The following PSMG2 variants were observed in gnomAD, a reference collection of about 807,000 sequenced individuals.
PSMG2 encodes CD40 ligand-activated specific transcript 3.
PSMG2 carries 21 observed loss-of-function variants against 31.5 expected under a neutral mutation model. That is an observed-to-expected ratio of 0.67 (90% CI 0.47 to 0.96). PSMG2 has a LOEUF of 0.96. PSMG2 is among the 40% of genes least tolerant of loss of function. PSMG2 has a pLI of 0.00. For missense variants in PSMG2, 318 were observed against 321.2 expected (o/e 0.99, Z 0.08); for synonymous variants, 120 against 110.4 (o/e 1.09, Z -0.54).
intron 1 of PSMG2, among the ~76,000 whole-genome samples, chr18:12,679,447 G>C (rs2039269321): frequency 6.6e-6 from 1 of 152,154 alleles, no homozygotes; most frequent in South Asian, 2.1e-4. Flanking sequence ...CACACTAGCA[G>C]GCACTCTGGC....
intron 1 of PSMG2, among the ~76,000 whole-genome samples, chr18:12,694,939 T>G (rs567428973): frequency 1.3e-5 from 2 of 151,780 alleles, no homozygotes; most frequent in African/African-American, 4.8e-5. Context: ...ATGGTCACGA[T>G]CTCCTGACCT....
Position 12,725,728 on chromosome 18 carries a change from A to AT in PSMG2, c.*200dup. 2 of 421,286 alleles carry AT rather than the reference A, an allele frequency of 4.7e-6. No homozygotes were observed. The highest frequency in any genetic ancestry group is 4.2e-6 in the Non-Finnish European group (1 of 240,670). The allele number at this position is 421,286 out of a possible 1,614,324, so 26.1% of individuals were successfully genotyped here. A position where few individuals can be genotyped will look rare whatever the true frequency, so the allele number is the denominator to read the frequency against. ...TGTAAATTTTGTACAATAAAATTTT[A>AT]TTTCCTAAGTAATTTTGTCTTAAAT... is the stretch of plus-strand genomic sequence containing the variant. On this transcript the variant is annotated 3_prime_UTR_variant, in exon 7 of 7. Transcript: ENST00000317615.
intron 1 of PSMG2, chr18:12,684,840 G>A (rs987569596): frequency 3.3e-5 from 5 of 151,748 alleles, no homozygotes; most frequent in African/African-American, 1.2e-4. Flanking sequence ...ACACAGATTA[G>A]GAAATATCCC....
intron 5 of PSMG2, 56 bp downstream of exon 5, chr18:12,720,739 G>A: frequency 6.5e-7 from 1 of 1,540,006 alleles, no homozygotes; most frequent in Admixed American, 1.9e-5. Flanking sequence ...TGAAATTAAT[G>A]CAGTGAGCTG....
chr18:12,682,505 C>T (rs1488496253), intron 1 of PSMG2, among the ~76,000 whole-genome samples: 1 of 151,768 alleles, frequency 6.6e-6, no homozygotes, highest in African/African-American at 2.4e-5. Flanking sequence ...TTTCTTTCTC[C>T]AAAAAATTGG....
chr18:12,711,943 C>T (rs764745954), intron 2 of PSMG2, among the ~76,000 whole-genome samples: 1 of 151,850 alleles, frequency 6.6e-6, no homozygotes, highest in Non-Finnish European at 1.5e-5. Flanking sequence ...TTAGTAGAGA[C>T]GGGGTTTCAT....
intron 1 of PSMG2, among the ~76,000 whole-genome samples, chr18:12,703,660 G>A (rs979500939): frequency 4.6e-5 from 7 of 152,158 alleles, no homozygotes; most frequent in Admixed American, 2.0e-4. Flanking sequence ...AAGACTAGGT[G>A]CGTGCCCTCA....
At position 12,720,388 on chromosome 18, in the gene PSMG2, A is replaced by C. The variant is rs959966977; in HGVS notation, c.408-122A>C. 1.5e-5 allele frequency: 11 copies of C among 736,832 alleles called. No homozygotes were observed. The African/African-American group carries it at 1.8e-4, about 12-fold the overall frequency. 45.6% of individuals were successfully genotyped at this position (736,832 alleles called of 1,614,324 possible). On this transcript the variant is annotated intron_variant, in intron 4 of 6. Coordinates refer to ENST00000317615, the MANE Select transcript of PSMG2 (RefSeq NM_020232.5). ...CAAATCAGAGCAATATTTTTTACTT[A>C]AGTCTGCTGAAACTTGTGTTTTGCC...
chr18:12,667,848 C>CTTT (rs36019439), intron 1 of PSMG2, among the ~76,000 whole-genome samples: 2 of 116,738 alleles, frequency 1.7e-5, no homozygotes, highest in South Asian at 2.7e-4. Context: ...CTTTCTGATC[C>CTTT]TTTTTTTTTT....
At chr18:12,699,647 C>T (rs572781540), upstream of PSMG2, among the ~76,000 whole-genome samples, 3 of 152,130 alleles carry the variant, frequency 2.0e-5, no homozygotes, top group Admixed American at 1.3e-4. Context: ...TTGCTTCTAC[C>T]GTGCTATACA....
chr18:12,688,749 A>G (rs1426658566), intron 1 of PSMG2, among the ~76,000 whole-genome samples: 1 of 152,222 alleles, frequency 6.6e-6, no homozygotes, highest in Non-Finnish European at 1.5e-5. Flanking sequence ...TAATAGCCAC[A>G]TTTTGAATGC....
intron 3 of PSMG2, 59 bp from the exon 4 acceptor site, chr18:12,718,458 T>TATAGTACATAGAATAG: frequency 1.0e-6 from 1 of 953,052 alleles, no homozygotes; most frequent in Non-Finnish European, 1.6e-6. Flanking sequence ...TATAGAATGT[T>TATAGTACATAGAATAG]TGTATGCTCT....
At chr18:12,684,290 GTTT>G (rs1297378831) in intron 1 of PSMG2, 3 of 151,558 alleles carry the variant, frequency 2.0e-5, no homozygotes, top group Non-Finnish European at 4.4e-5. Flanking sequence ...AATTTTTATA[GTTT>G]TTTAGAGAGA....
chr18:12,699,843 C>T (rs1200158354), upstream of PSMG2: 2 of 1,563,004 alleles, frequency 1.3e-6, no homozygotes, highest in African/African-American at 1.4e-5. Flanking sequence ...TTTTTAATGT[C>T]GATTGTCTAT....
upstream of PSMG2, chr18:12,700,062 T>TA (rs2040100081): frequency 2.3e-6 from 1 of 440,806 alleles, no homozygotes; most frequent in Admixed American, 4.3e-5. Flanking sequence ...ATAATGAAAA[T>TA]AAAAGCCTGC....
chr18:12,680,720 C>T, intron 1 of PSMG2: 1 of 1,613,772 alleles, frequency 6.2e-7, no homozygotes. Context: ...CAAGTCATAA[C>T]CCATGCATGA....
intron 1 of PSMG2, among the ~76,000 whole-genome samples, chr18:12,668,583 G>A (rs540455649): frequency 5.5e-5 from 4 of 73,118 alleles, no homozygotes; most frequent in African/African-American, 2.2e-4. Context: ...GGGAGACAGA[G>A]TAAGATTCCA....
At chr18:12,700,527 GCAGT>G (rs1271140352), upstream of PSMG2, among the ~76,000 whole-genome samples, 1 of 152,092 alleles carries the variant, frequency 6.6e-6, no homozygotes, top group Non-Finnish European at 1.5e-5. Context: ...GGACTCTTAT[GCAGT>G]CAATTATTTT....
intron 1 of PSMG2, chr18:12,692,159 T>TA (rs1163305797): frequency 6.6e-6 from 1 of 151,696 alleles, no homozygotes; most frequent in Non-Finnish European, 1.5e-5. Context: ...CAACTAAAAA[T>TA]ACAAAAACTA....
Sources: gnomAD v4.1 joint callset for allele counts (sites outside exome capture counted in the v4.1 genomes callset) on GRCh38, gnomAD v4.1.1 for gene constraint, MANE v1.5 for transcripts, NCBI Gene and HGNC (gene_info 2026-07-23, HGNC 2026-07-21) for gene names.